BLTP2: variants seen among roughly 807,000 people sequenced by gnomAD.
BLTP2 encodes bridge-like lipid transfer protein family member 2.
chr17:28,622,763 A>C, the BLTP2 span, among the ~76,000 whole-genome samples: 1 of 152,240 alleles, frequency 6.6e-6, no homozygotes, highest in African/African-American at 2.4e-5. Context: ...CCAACTGCTC[A>C]CAATCTCACC....
the BLTP2 span, chr17:28,631,410 G>C: frequency 2.9e-6 from 4 of 1,402,532 alleles, no homozygotes; most frequent in African/African-American, 4.3e-5. Flanking sequence ...ATTTTGTTAT[G>C]GCAGCCCAAG....
At chr17:28,626,618 A>G in the BLTP2 span, among the ~76,000 whole-genome samples, 265 of 152,292 alleles carry the variant, frequency 1.7e-3, 1 homozygote, top group African/African-American at 5.4e-3. Context: ...TTAATCACCA[A>G]TGGCCAATGG....
At chr17:28,639,548 C>T in the BLTP2 span, 2 of 1,613,706 alleles carry the variant, frequency 1.2e-6, no homozygotes, top group South Asian at 1.1e-5. Flanking sequence ...GAGAAAGGAA[C>T]AATTCTTGGT....
the BLTP2 span, chr17:28,619,045 G>T: frequency 3.9e-5 from 47 of 1,217,194 alleles, no homozygotes; most frequent in Non-Finnish European, 5.3e-5. Flanking sequence ...GAATGCTCTA[G>T]AATGATGCAG....
chr17:28,637,437 T>C, the BLTP2 span, among the ~76,000 whole-genome samples: 1 of 152,238 alleles, frequency 6.6e-6, no homozygotes, highest in Non-Finnish European at 1.5e-5. Flanking sequence ...TAAAAAGTTA[T>C]ATGGATCTCT....
At chr17:28,623,827 C>A in the BLTP2 span, 1 of 1,614,214 alleles carries the variant, frequency 6.2e-7, no homozygotes, top group East Asian at 2.2e-5. Context: ...GTACTGCATG[C>A]CATCCAAGAG....
chr17:28,635,008 G>A, the BLTP2 span: 24 of 1,613,314 alleles, frequency 1.5e-5, no homozygotes, highest in Non-Finnish European at 2.0e-5. Flanking sequence ...AGGGCTTGGA[G>A]AGGCCCAAGC....
chr17:28,623,685 C>T, the BLTP2 span: 1 of 1,276,094 alleles, frequency 7.8e-7, no homozygotes, highest in East Asian at 2.3e-5. Flanking sequence ...AGGTTACTGT[C>T]AAGAATCTTC....
chr17:28,643,061 G>A, the BLTP2 span: 3 of 1,535,462 alleles, frequency 2.0e-6, no homozygotes, highest in Non-Finnish European at 1.8e-6. Flanking sequence ...GAGAAAGAGG[G>A]GCAGCTCTTA....
the BLTP2 span, among the ~76,000 whole-genome samples, chr17:28,641,269 G>GT: frequency 6.6e-6 from 1 of 152,158 alleles, no homozygotes; most frequent in Non-Finnish European, 1.5e-5. Context: ...AGAGCCAACT[G>GT]TATTTATTGA....
chr17:28,623,124 T>A, the BLTP2 span, among the ~76,000 whole-genome samples: 7 of 151,978 alleles, frequency 4.6e-5, no homozygotes, highest in African/African-American at 1.5e-4. Flanking sequence ...GCCACACACT[T>A]AGACCTCCCC....
the BLTP2 span, chr17:28,643,529 C>A: frequency 6.9e-7 from 1 of 1,447,562 alleles, no homozygotes; most frequent in Non-Finnish European, 9.7e-7. Context: ...GATTGTGATG[C>A]CTCTGCAGAA....
chr17:28,634,568 G>C, the BLTP2 span: 1,281 of 1,614,108 alleles, frequency 7.9e-4, 10 homozygotes, highest in African/African-American at 0.015. Context: ...TGAATGACAA[G>C]ATCTAATCCC....
chr17:28,635,660 T>C, the BLTP2 span: 89 of 1,542,662 alleles, frequency 5.8e-5, no homozygotes, highest in Admixed American at 3.0e-4. Context: ...CACAAAACAG[T>C]AGAGATGGCA....
chr17:28,620,650 T>C, the BLTP2 span: 1 of 1,611,556 alleles, frequency 6.2e-7, no homozygotes, highest in South Asian at 1.1e-5. Flanking sequence ...TGTTAGCAGC[T>C]AAATAAAAGG....
the BLTP2 span, chr17:28,624,461 A>C: frequency 2.2e-5 from 30 of 1,379,554 alleles, no homozygotes; most frequent in Middle Eastern, 1.8e-4. Context: ...TCCAGAGCCA[A>C]ATTGATCTTC....
chr17:28,644,196 A>T, the BLTP2 span: 1 of 1,612,326 alleles, frequency 6.2e-7, no homozygotes, highest in Non-Finnish European at 8.5e-7. Flanking sequence ...ACCTGCAGAA[A>T]AATTCCTGTT....
the BLTP2 span, among the ~76,000 whole-genome samples, chr17:28,625,214 T>C: frequency 5.3e-5 from 8 of 150,518 alleles, no homozygotes; most frequent in Non-Finnish European, 7.4e-5. Context: ...CATGCACCTG[T>C]AATCCCAGCT....
the BLTP2 span, chr17:28,639,072 A>G: frequency 5.6e-6 from 3 of 534,264 alleles, no homozygotes; most frequent in South Asian, 2.1e-5. Flanking sequence ...TCAGTTCAAC[A>G]AACATTTATT....
Sources: allele counts gnomAD v4.1 joint callset (sites outside exome capture counted in the v4.1 genomes callset), GRCh38; gene constraint gnomAD v4.1.1; transcripts MANE v1.5; gene names NCBI Gene and HGNC (gene_info 2026-07-23, HGNC 2026-07-21).